The following CLDN16 variants were observed in gnomAD, a reference collection of about 807,000 sequenced individuals.
CLDN16 encodes the protein claudin-16.
CLDN16 carries 13 observed loss-of-function variants against 24.6 expected under a neutral mutation model. The ratio of observed to expected loss-of-function variants is 0.53; its 90% CI spans 0.34 to 0.84. The LOEUF is 0.84. CLDN16 is among the 40% of genes least tolerant of loss of function. The pLI is 0.01. For missense variants in CLDN16, 298 were observed against 292.7 expected (o/e 1.02, Z -0.13); for synonymous variants, 116 against 106.7 (o/e 1.09, Z -0.54).
the CLDN16 span, among the ~76,000 whole-genome samples, chr3:190,300,665 T>G: frequency 1.3e-5 from 2 of 152,382 alleles, no homozygotes; most frequent in African/African-American, 4.8e-5. Context: ...CTCCGATCCC[T>G]GGCAAAGACT....
At chr3:190,301,022 ACAAT>A in the CLDN16 span, among the ~76,000 whole-genome samples, 789 of 152,330 alleles carry the variant, frequency 5.2e-3, 2 homozygotes, top group Non-Finnish European at 8.1e-3. Flanking sequence ...GTGATATGTA[ACAAT>A]CAATCCAAAT....
At chr3:190,324,443 A>G (rs985682792) in intron 1 of CLDN16, among the ~76,000 whole-genome samples, 7 of 152,210 alleles carry the variant, frequency 4.6e-5, no homozygotes, top group Admixed American at 1.3e-4. Context: ...AGATCGTGCC[A>G]CTGCACTCCA....
At chr3:190,381,507 C>G (rs746088529) in intron 3 of CLDN16, among the ~76,000 whole-genome samples, 1 of 152,052 alleles carries the variant, frequency 6.6e-6, no homozygotes, top group Non-Finnish European at 1.5e-5. Flanking sequence ...TCTGGACATA[C>G]CAAAGTACTC....
At chr3:190,305,780 A>C in the CLDN16 span, 1 of 152,304 alleles carries the variant, frequency 6.6e-6, no homozygotes, top group East Asian at 1.9e-4. Context: ...AAACCCCAAA[A>C]TGTCTATTGG....
rs151217440 is a variant in CLDN16, at chr3:190,340,479, T to A, written n.121+17818T>A. ...TTAAAACCATCAAATCTCATGAGTCTTACTCACTAACATGAGAGGGTAGCA... is the reference window on the plus strand; with the variant it reads ...TTAAAACCATCAAATCTCATGAGTCATACTCACTAACATGAGAGGGTAGCA... On this transcript the variant is annotated intron_variant and non_coding_transcript_variant, in intron 1 of 4. Coordinates refer to the CLDN16 transcript ENST00000468220. 3.7e-4 allele frequency among the ~76,000 whole-genome samples: 56 copies of A among 152,248 alleles called. No individual in the cohort carries two copies. The East Asian group carries it at 9.3e-3, about 25-fold the overall frequency.
At chr3:190,322,016 C>G (rs755467541), upstream of CLDN16, 1 of 1,614,206 alleles carries the variant, frequency 6.2e-7, no homozygotes, top group Non-Finnish European at 8.5e-7. Flanking sequence ...AAAGACTTTG[C>G]ACTGGATCTG....
the CLDN16 span, among the ~76,000 whole-genome samples, chr3:190,302,359 G>A: frequency 2.0e-5 from 3 of 152,168 alleles, no homozygotes; most frequent in African/African-American, 7.2e-5. Context: ...TACCTAGAAT[G>A]TAACTTCCTG....
chr3:190,360,368 G>A (rs1717861633), intron 1 of CLDN16, among the ~76,000 whole-genome samples: 1 of 151,918 alleles, frequency 6.6e-6, no homozygotes, highest in African/African-American at 2.4e-5. Flanking sequence ...CACAAGCTGA[G>A]TTTCATGTCA....
At position 190,411,033 on chromosome 3, in the gene CLDN16, C is replaced by G. The variant is rs1259425513; in HGVS notation, c.*997C>G. 6.6e-6 allele frequency: 1 copy of G among 152,138 alleles called. No homozygotes were observed. The highest frequency in any genetic ancestry group is 6.5e-5 in the Admixed American group (1 of 15,284). The allele number at this position is 152,138 out of a possible 1,614,324, so 9.4% of individuals were successfully genotyped here. A position where few individuals can be genotyped will look rare whatever the true frequency, so the allele number is the denominator to read the frequency against. ...ATCCCCGCACTTTGGGAGGCCAAGG[C>G]GGGTGGATCACGAGGTCAAGAGACG... On this transcript the variant is annotated 3_prime_UTR_variant, in exon 5 of 5. Coordinates refer to ENST00000264734, the MANE Select transcript of CLDN16 (RefSeq NM_006580.4).
intron 1 of CLDN16, among the ~76,000 whole-genome samples, chr3:190,335,023 C>T (rs1451723672): frequency 1.0e-4 from 14 of 134,362 alleles, no homozygotes; most frequent in South Asian, 2.4e-4. Context: ...TTTCTTTTTT[C>T]TTTTTTTTTT....
chr3:190,321,812 G>C (rs893051), upstream of CLDN16, among the ~76,000 whole-genome samples: 70,391 of 151,990 alleles, frequency 0.46, 16,627 homozygotes, highest in East Asian at 0.77. Context: ...CCTGGGCGTC[G>C]CTTTCCTCAA....
At chr3:190,334,315 A>G (rs954227669) in intron 1 of CLDN16, among the ~76,000 whole-genome samples, 1 of 152,214 alleles carries the variant, frequency 6.6e-6, no homozygotes, top group Non-Finnish European at 1.5e-5. Flanking sequence ...GTATTTGAGA[A>G]GTGGAAGGAT....
intron 1 of CLDN16, among the ~76,000 whole-genome samples, chr3:190,393,229 T>C (rs564819913): frequency 5.9e-4 from 90 of 152,318 alleles, no homozygotes; most frequent in African/African-American, 1.4e-3. Flanking sequence ...TGAAAATTAG[T>C]ATCTATACAG....
the CLDN16 span, chr3:190,310,188 T>C: frequency 3.1e-6 from 5 of 1,613,836 alleles, no homozygotes; most frequent in Non-Finnish European, 3.4e-6. Context: ...ACTGGGGTCA[T>C]AGGGTCATAG....
At chr3:190,403,888 A>T (rs1719023508) in intron 2 of CLDN16, among the ~76,000 whole-genome samples, 1 of 152,192 alleles carries the variant, frequency 6.6e-6, no homozygotes, top group Non-Finnish European at 1.5e-5. Flanking sequence ...ATTAAAATGG[A>T]TTTTAATTCA....
intron 1 of CLDN16, among the ~76,000 whole-genome samples, chr3:190,392,859 T>C (rs1431767652): frequency 6.6e-6 from 1 of 152,148 alleles, no homozygotes; most frequent in Non-Finnish European, 1.5e-5. Context: ...AAAATATAGA[T>C]CTTATACCAT....
chr3:190,371,418 G>A (rs1425107), intron 2 of CLDN16, among the ~76,000 whole-genome samples: 134,587 of 151,872 alleles, frequency 0.89, 59,661 homozygotes, highest in East Asian at 0.94. Flanking sequence ...CCTACACTTC[G>A]TAGGTTCACT....
At chr3:190,326,415 A>T (rs1717061189) in intron 1 of CLDN16, among the ~76,000 whole-genome samples, 1 of 152,220 alleles carries the variant, frequency 6.6e-6, no homozygotes, top group Non-Finnish European at 1.5e-5. Flanking sequence ...TGTTGTGTTC[A>T]GAAAAAGAGA....
At chr3:190,315,288 C>G in the CLDN16 span, among the ~76,000 whole-genome samples, 1 of 152,244 alleles carries the variant, frequency 6.6e-6, no homozygotes, top group East Asian at 1.9e-4. Flanking sequence ...TTGCCTGGAA[C>G]AGTCCTAGCT....
Sources: gnomAD v4.1 joint callset for allele counts (sites outside exome capture counted in the v4.1 genomes callset) on GRCh38, gnomAD v4.1.1 for gene constraint, MANE v1.5 for transcripts, NCBI Gene and HGNC (gene_info 2026-07-23, HGNC 2026-07-21) for gene names.